The following CFAP47 variants were observed in gnomAD, a reference collection of about 807,000 sequenced individuals.
CFAP47 encodes the protein cilia- and flagella-associated protein 47.
In CFAP47, 29 loss-of-function variants were observed where a neutral mutation model predicts 148.1. The ratio of observed to expected loss-of-function variants is 0.20; its 90% CI spans 0.15 to 0.27. The LOEUF (loss-of-function observed/expected upper bound fraction) is 0.27, where lower values mean the gene tolerates loss of function less well. CFAP47 is among the 10% of genes least tolerant of loss of function. The pLI, the probability that CFAP47 is intolerant of heterozygous loss-of-function variation, is 1.00. For missense variants in CFAP47, 1,872 were observed against 1,697.5 expected, an observed-to-expected ratio of 1.10 and a Z score of -1.81; for synonymous variants, 664 against 577.3, an observed-to-expected ratio of 1.15 and a Z score of -2.15.
chrX:36,194,721 C>T (rs1939901809), intron 42 of CFAP47, among the ~76,000 whole-genome samples: 1 of 111,335 alleles, frequency 9.0e-6, no homozygotes, highest in Admixed American at 9.6e-5. Context: ...TTGAAACAAC[C>T]AGATCTTGTG....
chrX:36,001,725 T>A lies in CFAP47; in HGVS notation c.3417+18T>A, dbSNP rs183843934. On this transcript the variant is annotated intron_variant, in intron 21 of 63. Transcript: ENST00000378653. The stretch of plus-strand genomic sequence containing the variant: ...CCAAAGAAGTAAGTTCAGTTTTCTA[T>A]TCCTCATATTACTGCAGTTATGGGT... The A allele has an allele frequency of 2.5e-4, 73 of 290,446 alleles. No individual in the cohort carries two copies. Among genetic ancestry groups the A allele is most frequent in the African/African-American group, 1.9e-3 (69 of 36,371 alleles). The allele number at this position is 290,446 out of a possible 1,213,427, so 23.9% of individuals were successfully genotyped here. A position where few individuals can be genotyped will look rare whatever the true frequency, so the allele number is the denominator to read the frequency against.
intron 57 of CFAP47, among the ~76,000 whole-genome samples, chrX:36,335,389 C>T (rs1399092844): frequency 9.0e-6 from 1 of 111,386 alleles, no homozygotes; most frequent in African/African-American, 3.3e-5. Context: ...TTATCTGTCA[C>T]CTAGTTTGAT....
At chrX:36,053,269 A>G (rs1174553741) in intron 26 of CFAP47, among the ~76,000 whole-genome samples, 1 of 111,811 alleles carries the variant, frequency 8.9e-6, no homozygotes, top group Non-Finnish European at 1.9e-5. Context: ...AAGAATTACT[A>G]AGGATAGATT....
At chrX:36,021,074 G>T (rs1937151985) in intron 22 of CFAP47, among the ~76,000 whole-genome samples, 1 of 111,001 alleles carries the variant, frequency 9.0e-6, no homozygotes, top group South Asian at 3.7e-4. Context: ...AACACTATTT[G>T]CATGAAAAAC....
chrX:36,080,878 A>G (rs775099958), intron 29 of CFAP47, among the ~76,000 whole-genome samples: 9 of 112,031 alleles, frequency 8.0e-5, no homozygotes, highest in Non-Finnish European at 1.1e-4. Context: ...ATGTATACAT[A>G]TGTAACAAAC....
chrX:36,187,386 T>C (rs1427702902), intron 40 of CFAP47, among the ~76,000 whole-genome samples: 1 of 112,010 alleles, frequency 8.9e-6, no homozygotes, highest in Non-Finnish European at 1.9e-5. Context: ...TTCTACTCAC[T>C]ATAATAAACA....
intron 40 of CFAP47, among the ~76,000 whole-genome samples, chrX:36,183,117 C>G (rs1245525744): frequency 3.6e-5 from 4 of 112,077 alleles, no homozygotes; most frequent in African/African-American, 6.5e-5. Flanking sequence ...CAAGACCAGC[C>G]TGGGCAACAT....
In CFAP47 at chrX:35,971,951, A is replaced by G; in HGVS notation, c.2240A>G (p.His747Arg). ...TTAATGTTGACACCAAAGCAAATTC[A>G]TCAAGTAATTGTTGGTGAGAATACA... Reference protein sequence around the residue: ...CSLMLTPKQIHQVIVGPSVLN... With the variant: ...CSLMLTPKQIRQVIVGPSVLN... The change falls in exon 13 of 64, where the codon CAT becomes CGT. Residue 747 changes from histidine (H) to arginine (R), a missense_variant. His to Arg is a conservative substitution (Grantham distance 29). Coordinates refer to ENST00000378653, the MANE Select transcript of CFAP47 (RefSeq NM_001304548.2). 1.7e-6 allele frequency: 2 copies of G among 1,169,310 alleles called. No individual in the cohort carries two copies. The highest frequency in any genetic ancestry group is 1.2e-6 in the Non-Finnish European group (1 of 861,932).
intron 62 of CFAP47, among the ~76,000 whole-genome samples, chrX:36,371,882 G>A (rs1323857570): frequency 1.2e-5 from 1 of 86,412 alleles, no homozygotes; most frequent in Non-Finnish European, 2.3e-5. Flanking sequence ...GTGTATATAT[G>A]TGTGCATATA....
At chrX:36,140,224 G>C (rs1438522902) in intron 35 of CFAP47, among the ~76,000 whole-genome samples, 2 of 111,058 alleles carry the variant, frequency 1.8e-5, no homozygotes, top group Non-Finnish European at 3.8e-5. Flanking sequence ...GAAATAATAT[G>C]CTATGAGACT....
intron 26 of CFAP47, among the ~76,000 whole-genome samples, chrX:36,050,547 C>T (rs186258455): frequency 0.015 from 1,648 of 110,973 alleles, 37 homozygotes; most frequent in African/African-American, 0.051. Context: ...TTGAGAGAGA[C>T]GATTTAGGGT....
At chrX:35,987,721 C>T (rs1042638546) in intron 15 of CFAP47, among the ~76,000 whole-genome samples, 5 of 111,740 alleles carry the variant, frequency 4.5e-5, no homozygotes, top group Non-Finnish European at 9.4e-5. Context: ...TGCTTGAAAC[C>T]TAGGGCTCTG....
intron 27 of CFAP47, among the ~76,000 whole-genome samples, chrX:36,070,101 T>C (rs1569248705): frequency 8.9e-6 from 1 of 111,944 alleles, no homozygotes; most frequent in Non-Finnish European, 1.9e-5. Context: ...TGCACACCTA[T>C]TGACTACAGA....
intron 33 of CFAP47, among the ~76,000 whole-genome samples, chrX:36,117,147 T>C (rs2146809012): frequency 8.9e-6 from 1 of 112,565 alleles, no homozygotes; most frequent in African/African-American, 3.2e-5. Context: ...CTTTATTCAT[T>C]CATCTCTTGA....
intron 49 of CFAP47, among the ~76,000 whole-genome samples, chrX:36,256,830 A>C (rs1233243030): frequency 9.0e-6 from 1 of 111,604 alleles, no homozygotes; most frequent in East Asian, 2.8e-4. Context: ...CCCTAAAGCC[A>C]AGATTCCAGC....
chrX:35,929,696 T>A (rs902116606), intron 2 of CFAP47, among the ~76,000 whole-genome samples: 10 of 110,268 alleles, frequency 9.1e-5, no homozygotes, highest in African/African-American at 3.4e-4. Context: ...ACTTTCAGTA[T>A]TATGTTGTGT....
At chrX:36,195,396 A>G (rs1939909166) in intron 42 of CFAP47, among the ~76,000 whole-genome samples, 2 of 112,325 alleles carry the variant, frequency 1.8e-5, no homozygotes, top group Non-Finnish European at 3.8e-5. Flanking sequence ...CTTGGAAGTG[A>G]TAGAAAATGG....
intron 62 of CFAP47, chrX:36,368,235 C>G (rs1295136843): frequency 2.7e-5 from 3 of 111,615 alleles, no homozygotes; most frequent in Non-Finnish European, 3.8e-5. Flanking sequence ...CCAAAAAAGA[C>G]TAAAAAGTCA....
At chrX:35,998,959 A>G (rs747179633) in intron 19 of CFAP47, among the ~76,000 whole-genome samples, 8 of 111,636 alleles carry the variant, frequency 7.2e-5, no homozygotes, top group African/African-American at 2.6e-4. Context: ...CCCTTATAGC[A>G]TTTTAGACAT....
Sources: gnomAD v4.1 joint callset for allele counts (sites outside exome capture counted in the v4.1 genomes callset) on GRCh38, gnomAD v4.1.1 for gene constraint, MANE v1.5 for transcripts, NCBI Gene and HGNC (gene_info 2026-07-23, HGNC 2026-07-21) for gene names.